AP3B1: variants seen among roughly 807,000 people sequenced by gnomAD.
The protein encoded by AP3B1 is AP-3 complex subunit beta-1.
AP3B1 carries 61 observed loss-of-function variants against 132.5 expected under a neutral mutation model. The ratio of observed to expected loss-of-function variants is 0.46; its 90% CI spans 0.37 to 0.57. The LOEUF (loss-of-function observed/expected upper bound fraction) is 0.57, where lower values mean the gene tolerates loss of function less well. Ranked by LOEUF, AP3B1 falls within the 20% of genes least tolerant of loss-of-function variation. AP3B1 has a pLI of 0.00. For missense variants in AP3B1, 1,120 were observed against 1,289.4 expected, an observed-to-expected ratio of 0.87 and a Z score of 2.01; for synonymous variants, 388 against 438.3, an observed-to-expected ratio of 0.89 and a Z score of 1.43.
chr5:78,285,173 C>T (rs1032709963), intron 1 of AP3B1, among the ~76,000 whole-genome samples: 5 of 151,240 alleles, frequency 3.3e-5, no homozygotes, highest in African/African-American at 7.3e-5. Flanking sequence ...GGCGTGAACC[C>T]GGGAGGCGGA....
chr5:78,280,885 C>A (rs1749020385), intron 1 of AP3B1, among the ~76,000 whole-genome samples: 1 of 152,172 alleles, frequency 6.6e-6, no homozygotes, highest in African/African-American at 2.4e-5. Flanking sequence ...TTCTAGACAT[C>A]TGTAGCACAA....
chr5:78,064,067 C>T (rs949059701), intron 22 of AP3B1, among the ~76,000 whole-genome samples: 11 of 149,132 alleles, frequency 7.4e-5, no homozygotes, highest in Non-Finnish European at 1.6e-4. Flanking sequence ...CAGGTAAACA[C>T]AGTGGACATT....
intron 22 of AP3B1, among the ~76,000 whole-genome samples, chr5:78,046,345 C>A (rs1334477228): frequency 6.6e-6 from 1 of 152,214 alleles, no homozygotes. Flanking sequence ...AGGCAGCACG[C>A]CCCTTATGAG....
intron 2 of AP3B1, among the ~76,000 whole-genome samples, chr5:78,246,611 T>C (rs1295406111): frequency 6.6e-6 from 1 of 152,204 alleles, no homozygotes; most frequent in Non-Finnish European, 1.5e-5. Context: ...TTCAACAAAG[T>C]AGTCAAATTT....
At chr5:78,167,505 A>G (rs1743685718) in intron 11 of AP3B1, among the ~76,000 whole-genome samples, 1 of 152,144 alleles carries the variant, frequency 6.6e-6, no homozygotes. Context: ...CCCAGAGGAA[A>G]AGAAGACATT....
chr5:78,188,662 A>G (rs778663656), intron 7 of AP3B1, among the ~76,000 whole-genome samples: 1 of 152,196 alleles, frequency 6.6e-6, no homozygotes, highest in Non-Finnish European at 1.5e-5. Flanking sequence ...TGTTGAAGAC[A>G]ATGTGCTGAT....
At chr5:78,180,374 G>C (rs1744315742) in intron 8 of AP3B1, among the ~76,000 whole-genome samples, 1 of 151,882 alleles carries the variant, frequency 6.6e-6, no homozygotes, top group South Asian at 2.1e-4. Flanking sequence ...CAAGCCTTTG[G>C]ATATAACTGC....
At chr5:78,039,788 AAAAAGAAAAGAAAAG>A (rs1347109237) in intron 22 of AP3B1, among the ~76,000 whole-genome samples, 1 of 147,142 alleles carries the variant, frequency 6.8e-6, no homozygotes, top group African/African-American at 2.5e-5. Context: ...AAAAAAAAAA[AAAAAGAAAAGAAAAG>A]AAAAAAAAAA....
chr5:78,129,711 G>A (rs564149788), intron 15 of AP3B1, among the ~76,000 whole-genome samples: 9 of 152,224 alleles, frequency 5.9e-5, no homozygotes, highest in African/African-American at 1.4e-4. Flanking sequence ...GAAAGTATTA[G>A]GGGGCTGGCA....
chr5:78,271,911 G>A lies in AP3B1; in HGVS notation c.129-4316C>T, dbSNP rs1484082365. Among the ~76,000 whole-genome samples, 3 of 152,182 alleles carry A rather than the reference G, an allele frequency of 2.0e-5. No homozygotes were observed. The East Asian group carries it at 5.8e-4, about 29-fold the overall frequency. ...AACCGGCCCTGCAAAGCAGCCTTTT[G>A]TGGAAGAAAATCTGCATCTGTAAAG... On this transcript the variant is annotated intron_variant, in intron 1 of 26. Transcript: ENST00000255194.
intron 26 of AP3B1, among the ~76,000 whole-genome samples, chr5:78,005,186 G>C (rs1401502977): frequency 6.6e-6 from 1 of 152,154 alleles, no homozygotes; most frequent in Non-Finnish European, 1.5e-5. Context: ...TATTTCAACA[G>C]AGGTCCCTAT....
intron 11 of AP3B1, among the ~76,000 whole-genome samples, chr5:78,172,287 A>G (rs566998260): frequency 6.6e-6 from 1 of 152,118 alleles, no homozygotes; most frequent in Non-Finnish European, 1.5e-5. Flanking sequence ...CTCTTTTTCT[A>G]TTGATTGGAA....
intron 15 of AP3B1, among the ~76,000 whole-genome samples, chr5:78,132,064 C>T (rs2112307043): frequency 6.6e-6 from 1 of 152,204 alleles, no homozygotes; most frequent in South Asian, 2.1e-4. Flanking sequence ...TACTGTTATG[C>T]TATAGAATGG....
chr5:78,249,172 T>G (rs929458547), intron 2 of AP3B1, among the ~76,000 whole-genome samples: 1 of 151,514 alleles, frequency 6.6e-6, no homozygotes, highest in African/African-American at 2.4e-5. Context: ...CTGACCAACA[T>G]GGTGAAACCC....
intron 3 of AP3B1, among the ~76,000 whole-genome samples, chr5:78,236,090 C>G (rs1241096057): frequency 6.6e-6 from 1 of 151,946 alleles, no homozygotes; most frequent in East Asian, 1.9e-4. Context: ...AAATCCAAAA[C>G]AAATAGACCA....
intron 11 of AP3B1, among the ~76,000 whole-genome samples, chr5:78,167,664 C>CAT (rs1743701249): frequency 6.6e-6 from 1 of 151,806 alleles, no homozygotes; most frequent in South Asian, 2.1e-4. Flanking sequence ...CACACATACA[C>CAT]ACCATGGAAT....
At chr5:78,107,428 C>T (rs1342753948) in intron 20 of AP3B1, among the ~76,000 whole-genome samples, 1 of 152,104 alleles carries the variant, frequency 6.6e-6, no homozygotes, top group Non-Finnish European at 1.5e-5. Flanking sequence ...GTTTTTTTCA[C>T]TCCATGCTCC....
chr5:78,003,488 C>G, intron 26 of AP3B1: 1 of 794,288 alleles, frequency 1.3e-6, no homozygotes, highest in Non-Finnish European at 1.5e-6. Context: ...AATTTAACTC[C>G]TCATATCTGA....
At chr5:78,204,255 G>C (rs1745414820) in intron 7 of AP3B1, among the ~76,000 whole-genome samples, 1 of 152,094 alleles carries the variant, frequency 6.6e-6, no homozygotes, top group Non-Finnish European at 1.5e-5. Context: ...GTTTTTGTTT[G>C]TTTGTTTACA....
Sources: gnomAD v4.1 joint callset for allele counts (sites outside exome capture counted in the v4.1 genomes callset) on GRCh38, gnomAD v4.1.1 for gene constraint, MANE v1.5 for transcripts, NCBI Gene and HGNC (gene_info 2026-07-23, HGNC 2026-07-21) for gene names.